The following BNC2 variants were observed in gnomAD, a reference collection of about 807,000 sequenced individuals.
BNC2 encodes the protein zinc finger protein basonuclin-2.
A neutral mutation model predicts 76.3 loss-of-function variants in BNC2; 20 were observed. The ratio of observed to expected loss-of-function variants is 0.26; its 90% confidence interval spans 0.18 to 0.38. The LOEUF is 0.38. Among genes scored for constraint, BNC2 ranks in the 10% least tolerant of loss-of-function variants. The pLI is 1.00. For missense variants in BNC2, 1,382 were observed against 1,399.8 expected, an observed-to-expected ratio of 0.99 and a Z score of 0.20; for synonymous variants, 582 against 514.8, an observed-to-expected ratio of 1.13 and a Z score of -1.77.
At chr9:16,659,330 C>T (rs143153210) in intron 3 of BNC2, among the ~76,000 whole-genome samples, 137 of 152,220 alleles carry the variant, frequency 9.0e-4, no homozygotes, top group African/African-American at 3.0e-3. Context: ...CCCAAGCTTG[C>T]GGCGGGCACA....
intron 5 of BNC2, among the ~76,000 whole-genome samples, chr9:16,471,582 G>A (rs1160208291): frequency 6.6e-6 from 1 of 152,182 alleles, no homozygotes; most frequent in East Asian, 1.9e-4. Context: ...GTGAGCCACT[G>A]CACCCAGCTG....
chr9:16,767,958 T>C (rs1586867866), intron 1 of BNC2, among the ~76,000 whole-genome samples: 1 of 148,258 alleles, frequency 6.7e-6, no homozygotes, highest in Admixed American at 6.8e-5. Flanking sequence ...AAGAGGCAGG[T>C]TATGCAATTT....
intron 3 of BNC2, among the ~76,000 whole-genome samples, chr9:16,633,081 G>A (rs1821212935): frequency 6.6e-6 from 1 of 152,130 alleles, no homozygotes; most frequent in African/African-American, 2.4e-5. Flanking sequence ...GTTTTAATTG[G>A]AGTCTGTTTT....
chr9:16,711,328 G>GGGT (rs770452868), intron 3 of BNC2, among the ~76,000 whole-genome samples: 16 of 152,140 alleles, frequency 1.1e-4, no homozygotes, highest in Non-Finnish European at 1.6e-4. Context: ...TGGTTGATTT[G>GGGT]GGTTGTATTA....
chr9:16,728,928 A>G (rs1398386642), intron 2 of BNC2, among the ~76,000 whole-genome samples: 2 of 152,156 alleles, frequency 1.3e-5, no homozygotes, highest in African/African-American at 4.8e-5. Context: ...AAGTTCCTAG[A>G]TGAAGCATCT....
intron 1 of BNC2, among the ~76,000 whole-genome samples, chr9:16,853,011 TAAG>T (rs1287256674): frequency 6.6e-6 from 1 of 152,132 alleles, no homozygotes. Context: ...GCAGGTATGA[TAAG>T]AAGTCACTGG....
chr9:16,455,868 T>C (rs1029492661), intron 5 of BNC2, among the ~76,000 whole-genome samples: 2 of 152,152 alleles, frequency 1.3e-5, no homozygotes, highest in East Asian at 3.9e-4. Flanking sequence ...CTTATTTTAC[T>C]TTTCATACCT....
In BNC2 at chr9:16,689,667, G is replaced by C. The variant is rs72704096; in HGVS notation, c.330+38130C>G. On this transcript the variant is annotated intron_variant, in intron 3 of 6. Coordinates refer to ENST00000380672, the MANE Select transcript of BNC2 (RefSeq NM_017637.6). Reference sequence around the variant, plus strand: ...GTTTAAAAAAAAAAAAAGAGGGAGAGAGATAAACAGAAATAAAGCCCCATC... The same window carrying C: ...GTTTAAAAAAAAAAAAAGAGGGAGACAGATAAACAGAAATAAAGCCCCATC... Among the ~76,000 whole-genome samples the C allele has an allele frequency of 0.019, 2,811 of 151,852 alleles. 325 individuals carry two copies. In the East Asian group the frequency reaches 0.31, roughly 17 times the overall value.
chr9:16,850,092 A>G (rs144040421), intron 1 of BNC2, among the ~76,000 whole-genome samples: 1 of 152,318 alleles, frequency 6.6e-6, no homozygotes, highest in African/African-American at 2.4e-5. Context: ...ACCTATATAT[A>G]AAACCATTTC....
intron 3 of BNC2, among the ~76,000 whole-genome samples, chr9:16,617,293 T>G (rs998323191): frequency 5.9e-5 from 9 of 152,146 alleles, no homozygotes; most frequent in African/African-American, 2.2e-4. Context: ...ACATGTAAAT[T>G]GAAAATTAAT....
chr9:16,624,764 C>T (rs547038050), intron 3 of BNC2, among the ~76,000 whole-genome samples: 1 of 152,238 alleles, frequency 6.6e-6, no homozygotes, highest in African/African-American at 2.4e-5. Flanking sequence ...AGTTATTTCT[C>T]TAGTTTATCG....
chr9:16,755,489 A>G (rs1361046197), intron 1 of BNC2, among the ~76,000 whole-genome samples: 1 of 152,192 alleles, frequency 6.6e-6, no homozygotes, highest in African/African-American at 2.4e-5. Flanking sequence ...CCATTAGGGT[A>G]ATATCACTAT....
At chr9:16,434,867 G>A (rs1389792869) in intron 6 of BNC2, 4 of 459,034 alleles carry the variant, frequency 8.7e-6, no homozygotes, top group African/African-American at 4.0e-5. Flanking sequence ...TTAGAGATGT[G>A]CTCAAAGACA....
Position 16,801,743 on chromosome 9 carries a change from A to ACAC in BNC2, c.4-63259_4-63258insGTG, listed in dbSNP as rs71327863. 1.9e-4 allele frequency among the ~76,000 whole-genome samples: 29 copies of ACAC among 148,774 alleles called. No individual in the cohort carries two copies. The South Asian group carries it at 2.5e-3, about 13-fold the overall frequency. ...CACCCCCTTAAATTAAAAAAAAAAA[A>ACAC]ACACACACACACAGAAAAAATAAAA... On this transcript the variant is annotated intron_variant, in intron 1 of 6. Transcript: ENST00000380672.
chr9:16,859,511 G>C (rs1461208421), intron 1 of BNC2, among the ~76,000 whole-genome samples: 1 of 152,300 alleles, frequency 6.6e-6, no homozygotes, highest in East Asian at 1.9e-4. Flanking sequence ...ATATTATTTA[G>C]CCTTAAAAAT....
intron 3 of BNC2, among the ~76,000 whole-genome samples, chr9:16,621,810 A>G (rs113610300): frequency 1.8e-4 from 28 of 151,794 alleles, no homozygotes; most frequent in African/African-American, 6.8e-4. Flanking sequence ...GAATGAAAAA[A>G]GAAAAGAAAA....
chr9:16,841,754 T>G (rs1326944364), intron 1 of BNC2, among the ~76,000 whole-genome samples: 2 of 151,770 alleles, frequency 1.3e-5, no homozygotes, highest in African/African-American at 2.4e-5. Flanking sequence ...GCATGATGAC[T>G]GCCCATTGCA....
intron 3 of BNC2, among the ~76,000 whole-genome samples, chr9:16,659,190 C>G (rs1454142834): frequency 1.3e-5 from 2 of 151,952 alleles, no homozygotes; most frequent in Non-Finnish European, 2.9e-5. Context: ...TGACTTAATG[C>G]AGAGGGCCCT....
chr9:16,465,445 A>AAAAAAT (rs1821684609), intron 5 of BNC2, among the ~76,000 whole-genome samples: 1 of 151,444 alleles, frequency 6.6e-6, no homozygotes, highest in African/African-American at 2.4e-5. Flanking sequence ...AAAAAAAAAA[A>AAAAAAT]AAAAAAAGGG....
Sources: allele counts gnomAD v4.1 joint callset (sites outside exome capture counted in the v4.1 genomes callset), GRCh38; gene constraint gnomAD v4.1.1; transcripts MANE v1.5; gene names NCBI Gene and HGNC (gene_info 2026-07-23, HGNC 2026-07-21).